The following PID1 variants were observed in gnomAD, a reference collection of about 807,000 sequenced individuals.
The protein encoded by PID1 is phosphotyrosine interaction domain containing 1, also known as PTB-containing, cubilin and LRP1-interacting protein.
Under a neutral mutation model 19.1 loss-of-function variants are expected in PID1, and 10 were observed. The ratio of observed to expected loss-of-function variants is 0.52; its 90% CI spans 0.32 to 0.89. The LOEUF (loss-of-function observed/expected upper bound fraction) is 0.89. Ranked by LOEUF, PID1 falls within the 40% of genes least tolerant of loss-of-function variation. The pLI, the probability that PID1 is intolerant of heterozygous loss-of-function variation, is 0.03. For missense variants in PID1, 248 were observed against 285.3 expected (o/e 0.87, Z 0.94); for synonymous variants, 130 against 116.0 (o/e 1.12, Z -0.78).
intron 2 of PID1, among the ~76,000 whole-genome samples, chr2:229,099,384 C>T (rs1695033018): frequency 6.6e-6 from 1 of 152,136 alleles, no homozygotes; most frequent in Admixed American, 6.6e-5. Flanking sequence ...CACCCCCTGG[C>T]TTTGACACAG....
chr2:229,214,906 T>C (rs1348003378), intron 1 of PID1, among the ~76,000 whole-genome samples: 1 of 152,102 alleles, frequency 6.6e-6, no homozygotes, highest in Non-Finnish European at 1.5e-5. Flanking sequence ...ATACCATATG[T>C]ACTATTTTAC....
intron 1 of PID1, among the ~76,000 whole-genome samples, chr2:229,228,842 TA>T (rs1692140125): frequency 6.6e-6 from 1 of 152,232 alleles, no homozygotes; most frequent in South Asian, 2.1e-4. Flanking sequence ...AATCCCACCA[TA>T]AGAGATACTT....
chr2:229,097,887 T>C (rs1250614797), intron 2 of PID1, among the ~76,000 whole-genome samples: 1 of 152,170 alleles, frequency 6.6e-6, no homozygotes, highest in Non-Finnish European at 1.5e-5. Flanking sequence ...ATAAGCAAAC[T>C]CACTGCCAGT....
intron 2 of PID1, among the ~76,000 whole-genome samples, chr2:229,142,134 A>G (rs898766662): frequency 6.6e-6 from 1 of 152,120 alleles, no homozygotes; most frequent in Non-Finnish European, 1.5e-5. Flanking sequence ...TGACCTCTAC[A>G]TTCAAACCTG....
At position 229,056,612 on chromosome 2, in the gene PID1, A is replaced by AAT. The variant is rs200540998; in HGVS notation, c.178-30506_178-30505dup. On this transcript the variant is annotated intron_variant, in intron 2 of 2. Transcript: ENST00000392055. Reference sequence around the variant, plus strand: ...GCCCAGAATATAAATAAATAAAAATAATATATATATATATATTTCTCTTTG... The same window carrying AAT: ...GCCCAGAATATAAATAAATAAAAATAATATATATATATATATATTTCTCTTTG... 1.8e-3 allele frequency among the ~76,000 whole-genome samples: 270 copies of AAT among 148,194 alleles called. 2 individuals carry two copies. Among genetic ancestry groups the AAT allele is most frequent in the African/African-American group, 5.5e-3 (222 of 40,660 alleles).
chr2:229,200,142 C>T (rs746568316), intron 1 of PID1, among the ~76,000 whole-genome samples: 12 of 151,882 alleles, frequency 7.9e-5, no homozygotes, highest in East Asian at 1.9e-4. Flanking sequence ...TGCACTCCCC[C>T]GACTCATCCT....
chr2:229,225,029 TACTATG>T (rs1028269231), intron 1 of PID1, among the ~76,000 whole-genome samples: 6 of 152,264 alleles, frequency 3.9e-5, no homozygotes, highest in African/African-American at 1.4e-4. Context: ...TTCTTCCCAT[TACTATG>T]ACTATAATTG....
intron 1 of PID1, among the ~76,000 whole-genome samples, chr2:229,229,219 A>G (rs1692149560): frequency 6.6e-6 from 1 of 152,174 alleles, no homozygotes; most frequent in South Asian, 2.1e-4. Context: ...TCTAGAGCAC[A>G]CACTTTCTCC....
chr2:229,065,556 CAA>C (rs1694306253), intron 2 of PID1, among the ~76,000 whole-genome samples: 2 of 151,982 alleles, frequency 1.3e-5, no homozygotes, highest in African/African-American at 4.8e-5. Flanking sequence ...TGCACACACA[CAA>C]AGACACACAC....
At chr2:229,110,553 G>A (rs139321688) in intron 2 of PID1, among the ~76,000 whole-genome samples, 28 of 152,222 alleles carry the variant, frequency 1.8e-4, no homozygotes, top group Admixed American at 4.6e-4. Context: ...CTGTAACATC[G>A]GTCATCAAAG....
chr2:229,122,597 C>T (rs75522769), intron 2 of PID1, among the ~76,000 whole-genome samples: 1 of 152,156 alleles, frequency 6.6e-6, no homozygotes, highest in Admixed American at 6.5e-5. Context: ...CAGCATCACA[C>T]AGCCAGTCAT....
intron 1 of PID1, among the ~76,000 whole-genome samples, chr2:229,157,676 T>G (rs1690403185): frequency 6.6e-6 from 1 of 152,162 alleles, no homozygotes; most frequent in African/African-American, 2.4e-5. Context: ...AAGACTTGAA[T>G]AAGCAGGGGC....
chr2:229,107,231 C>T (rs1476298786), intron 2 of PID1, among the ~76,000 whole-genome samples: 1 of 152,122 alleles, frequency 6.6e-6, no homozygotes, highest in Non-Finnish European at 1.5e-5. Flanking sequence ...ATCTGGCTTC[C>T]AGAATGGAGA....
At chr2:229,230,604 T>C (rs1040161419) in intron 1 of PID1, among the ~76,000 whole-genome samples, 1 of 152,236 alleles carries the variant, frequency 6.6e-6, no homozygotes, top group Non-Finnish European at 1.5e-5. Flanking sequence ...GTGTGGACCC[T>C]AATGGGATTT....
intron 2 of PID1, among the ~76,000 whole-genome samples, chr2:229,076,431 C>G (rs572315408): frequency 6.6e-6 from 1 of 151,878 alleles, no homozygotes; most frequent in East Asian, 1.9e-4. Flanking sequence ...TCTGGGATAA[C>G]TGTGCAGAAC....
chr2:229,228,148 G>A, intron 1 of PID1: 1 of 438,256 alleles, frequency 2.3e-6, no homozygotes, highest in Admixed American at 2.4e-5. Context: ...CAATTTTGAT[G>A]GGATCTTTGT....
chr2:229,145,279 T>G (rs953905744), intron 2 of PID1, among the ~76,000 whole-genome samples: 7 of 150,798 alleles, frequency 4.6e-5, no homozygotes, highest in African/African-American at 1.7e-4. Flanking sequence ...TATTATAATC[T>G]TTGGAGAGTC....
intron 1 of PID1, among the ~76,000 whole-genome samples, chr2:229,253,604 A>T (rs1690210481): frequency 6.6e-6 from 1 of 152,072 alleles, no homozygotes; most frequent in Admixed American, 6.6e-5. Flanking sequence ...AAAAAAAAAA[A>T]AAAAAATTGC....
chr2:229,212,900 T>C (rs892851013), intron 1 of PID1, among the ~76,000 whole-genome samples: 1 of 151,940 alleles, frequency 6.6e-6, no homozygotes, highest in Non-Finnish European at 1.5e-5. Flanking sequence ...CCACCTGAAG[T>C]GCACCCTCTC....
Sources: gnomAD v4.1 joint callset for allele counts (sites outside exome capture counted in the v4.1 genomes callset) on GRCh38, gnomAD v4.1.1 for gene constraint, MANE v1.5 for transcripts, NCBI Gene and HGNC (gene_info 2026-07-23, HGNC 2026-07-21) for gene names.